BRD8: variants seen among roughly 807,000 people sequenced by gnomAD.
BRD8 encodes bromodomain containing 8.
Under a neutral mutation model 143.1 loss-of-function variants are expected in BRD8, and 67 were observed. The ratio of observed to expected loss-of-function variants is 0.47; its 90% CI spans 0.38 to 0.57. The LOEUF is 0.57. Among genes scored for constraint, BRD8 ranks in the 20% least tolerant of loss-of-function variants. The probability of loss-of-function intolerance (pLI) is 0.00; values close to 1 mark genes in which losing one functional copy is unlikely to be tolerated. For synonymous variants in BRD8, 505 were observed against 517.1 expected (o/e 0.98, Z 0.32); for missense variants, 1,103 against 1,503.0 (o/e 0.73, Z 4.40).
At chr5:138,141,290 C>A (rs1016916144) in intron 25 of BRD8, among the ~76,000 whole-genome samples, 3 of 152,146 alleles carry the variant, frequency 2.0e-5, no homozygotes, top group Non-Finnish European at 2.9e-5. Flanking sequence ...CCATCATGCC[C>A]AGCTAATTTT....
intron 2 of BRD8, among the ~76,000 whole-genome samples, chr5:138,176,868 C>T (rs558047084): frequency 4.0e-5 from 6 of 151,692 alleles, no homozygotes; most frequent in South Asian, 2.1e-4. Flanking sequence ...GCGGATCGCT[C>T]GAACGCAGGA....
At chr5:138,156,479 G>GA (rs1164584287) in intron 20 of BRD8, among the ~76,000 whole-genome samples, 2 of 151,842 alleles carry the variant, frequency 1.3e-5, no homozygotes, top group African/African-American at 2.4e-5. Flanking sequence ...ATAAAAACAG[G>GA]AAAAAAATGG....
chr5:138,164,690 C>A, intron 12 of BRD8, 24 bp downstream of exon 12: 1 of 1,611,872 alleles, frequency 6.2e-7, no homozygotes, highest in South Asian at 1.1e-5. Flanking sequence ...CTCCATCTCC[C>A]CAGCCCCGAT....
At chr5:138,164,464 C>T (rs1437506757) in intron 12 of BRD8, 51 bp from the exon 13 acceptor site, 2 of 1,527,782 alleles carry the variant, frequency 1.3e-6, no homozygotes, top group South Asian at 1.1e-5. Flanking sequence ...ATCGCTATAG[C>T]TCACACAACT....
intron 7 of BRD8, 103 bp from the exon 8 acceptor site, chr5:138,169,461 T>A: frequency 7.7e-7 from 1 of 1,293,662 alleles, no homozygotes; most frequent in African/African-American, 1.5e-5. Flanking sequence ...GTATGTTGCA[T>A]TACTAAAGCA....
At position 138,172,166 on chromosome 5, in the gene BRD8, AAGC is replaced by A. The variant is rs1327589573; in HGVS notation, c.117-35_117-33del. On this transcript the variant is annotated intron_variant, in intron 2 of 26. Coordinates refer to ENST00000254900, the MANE Select transcript of BRD8 (RefSeq NM_139199.2). Reference sequence around the variant, plus strand: ...AATGAGGAAAGCTTTATTACACACCAAGCAGAAAACAATAGGAGAGGTATGCTG... The same window carrying A: ...AATGAGGAAAGCTTTATTACACACCAAGAAAACAATAGGAGAGGTATGCTG... 5 of 1,562,400 alleles carry A rather than the reference AAGC, an allele frequency of 3.2e-6. No individual in the cohort carries two copies. The African/African-American group carries it at 6.8e-5, about 21-fold the overall frequency.
intron 2 of BRD8, among the ~76,000 whole-genome samples, chr5:138,175,375 T>A (rs1032237985): frequency 6.6e-6 from 1 of 151,862 alleles, no homozygotes; most frequent in Admixed American, 6.6e-5. Flanking sequence ...TCATAATGGA[T>A]GATTCAAAAG....
chr5:138,143,130 C>T (rs1751981734), intron 25 of BRD8, among the ~76,000 whole-genome samples: 1 of 151,228 alleles, frequency 6.6e-6, no homozygotes. Flanking sequence ...ATAAAAAATA[C>T]AAAAATTAGC....
intron 26 of BRD8, 189 bp downstream of exon 26, chr5:138,140,516 C>T (rs1581393546): frequency 3.0e-6 from 2 of 666,280 alleles, no homozygotes; most frequent in East Asian, 5.5e-5. Flanking sequence ...TCCTAGACTA[C>T]TTCACTATCA....
chr5:138,140,162 A>C lies in BRD8; in HGVS notation c.3620T>G (p.Leu1207Arg), dbSNP rs914795171. The C allele has an allele frequency of 6.2e-7, 1 of 1,609,214 alleles. No homozygotes were observed. Among genetic ancestry groups the C allele is most frequent in the Non-Finnish European group, 8.5e-7 (1 of 1,175,498 alleles). The change falls in exon 27 of 27, where the codon CTG becomes CGG. Residue 1207 changes from leucine to arginine, a missense_variant. Transcript: ENST00000254900. ...TTTTCTTTTGTCTAACCAGATATTC[A>C]GTACCTAAAGGGTTAAGGAACACAT... ...RQEVLEQIQV[L>R]NIWLDKRKGS...
chr5:138,178,140 C>T (rs540536496), intron 1 of BRD8, among the ~76,000 whole-genome samples: 3 of 152,068 alleles, frequency 2.0e-5, no homozygotes, highest in Admixed American at 1.3e-4. Context: ...GCTTTTCAGT[C>T]CAAAAAAAGA....
In BRD8 at chr5:138,177,677, G is replaced by GGT; in HGVS notation, c.20-11_20-10insAC. On this transcript the variant is annotated splice_polypyrimidine_tract_variant and intron_variant, in intron 1 of 26. Transcript: ENST00000254900. Reference sequence around the variant, plus strand: ...CTTAGCAGCTTGTGTTCTGGGAAAGGGAGAAAAAAAAAAAAGCCTTGGAAA... The same window carrying GGT: ...CTTAGCAGCTTGTGTTCTGGGAAAGGGTGAGAAAAAAAAAAAAGCCTTGGAAA... 3.8e-6 allele frequency: 5 copies of GGT among 1,303,734 alleles called. No individual in the cohort carries two copies. The highest frequency in any genetic ancestry group is 4.1e-6 in the Non-Finnish European group (4 of 975,624). The allele number at this position is 1,303,734 out of a possible 1,614,324, so 80.8% of individuals were successfully genotyped here.
intron 20 of BRD8, among the ~76,000 whole-genome samples, chr5:138,156,038 CTAAT>C (rs552790810): frequency 1.3e-5 from 2 of 151,240 alleles, no homozygotes; most frequent in Admixed American, 6.6e-5. Context: ...CCATGCTGGG[CTAAT>C]TTTTTTTTTT....
In BRD8 at chr5:138,174,785, G is replaced by A. The variant is rs971559624; in HGVS notation, c.117-2651C>T. On this transcript the variant is annotated intron_variant, in intron 2 of 26. Coordinates refer to ENST00000254900, the MANE Select transcript of BRD8 (RefSeq NM_139199.2). ...AGATAAACTATGCACTGAGGAAGGT[G>A]GAACAGAAAGAGAATATCCTGAGCC... 4.6e-5 allele frequency among the ~76,000 whole-genome samples: 7 copies of A among 152,080 alleles called. No homozygotes were observed. The East Asian group carries it at 1.3e-3, about 29-fold the overall frequency.
chr5:138,171,307 A>C (rs1232261168), intron 4 of BRD8, 54 bp downstream of exon 4: 31 of 1,465,212 alleles, frequency 2.1e-5, no homozygotes, highest in Non-Finnish European at 2.8e-5. Context: ...AGAATTCCTC[A>C]GTAAATACTC....
chr5:138,156,889 T>G (rs1264508571), intron 20 of BRD8: 1 of 1,100,260 alleles, frequency 9.1e-7, no homozygotes. Context: ...AAGGCTAGTT[T>G]TTTTTTTCAG....
intron 10 of BRD8, 103 bp from the exon 11 acceptor site, chr5:138,166,211 C>T: frequency 1.2e-6 from 1 of 827,060 alleles, no homozygotes; most frequent in Non-Finnish European, 1.9e-6. Context: ...TATCCAAACA[C>T]TTAAGGTCAG....
intron 23 of BRD8, among the ~76,000 whole-genome samples, chr5:138,147,604 T>A (rs1167249348): frequency 6.6e-6 from 1 of 151,364 alleles, no homozygotes; most frequent in East Asian, 1.9e-4. Context: ...AGGCCAGGAG[T>A]CACAGATAAA....
At chr5:138,169,751 C>G (rs1753718762) in intron 7 of BRD8, among the ~76,000 whole-genome samples, 3 of 152,118 alleles carry the variant, frequency 2.0e-5, no homozygotes, top group Non-Finnish European at 4.4e-5. Flanking sequence ...GGTGGATCAC[C>G]TGAGGTCAGG....
Sources: allele counts gnomAD v4.1 joint callset (sites outside exome capture counted in the v4.1 genomes callset), GRCh38; gene constraint gnomAD v4.1.1; transcripts MANE v1.5; gene names NCBI Gene and HGNC (gene_info 2026-07-23, HGNC 2026-07-21).